TNRC6B: variants seen among roughly 807,000 people sequenced by gnomAD.
The protein encoded by TNRC6B is trinucleotide repeat containing adaptor 6B.
A neutral mutation model predicts 203.6 loss-of-function variants in TNRC6B; 52 were observed. The ratio of observed to expected loss-of-function variants is 0.26; its 90% confidence interval spans 0.20 to 0.32. The LOEUF is 0.32. Ranked by LOEUF, TNRC6B falls within the 10% of genes least tolerant of loss-of-function variation. The pLI is 1.00. For synonymous variants in TNRC6B, 838 were observed against 845.7 expected (o/e 0.99, Z 0.16); for missense variants, 1,923 against 2,286.2 (o/e 0.84, Z 3.24).
chr22:40,080,398 A>AT (rs1820643673), intron 1 of TNRC6B, among the ~76,000 whole-genome samples: 3 of 152,106 alleles, frequency 2.0e-5, no homozygotes, highest in Non-Finnish European at 4.4e-5. Flanking sequence ...TTGATTATAG[A>AT]TTCCTGTATG....
At chr22:40,045,725 A>C (rs982465403) in intron 1 of TNRC6B, 1 of 152,262 alleles carries the variant, frequency 6.6e-6, no homozygotes, top group Admixed American at 6.5e-5. Flanking sequence ...CTTCAGTTCC[A>C]GACTACCGGT....
chr22:40,155,893 C>T (rs568459308), intron 3 of TNRC6B, among the ~76,000 whole-genome samples: 1 of 152,312 alleles, frequency 6.6e-6, no homozygotes, highest in African/African-American at 2.4e-5. Flanking sequence ...ATTCTAGATG[C>T]TAATCCTTTG....
intron 1 of TNRC6B, among the ~76,000 whole-genome samples, chr22:40,076,755 T>C (rs376177580): frequency 6.6e-6 from 1 of 152,228 alleles, no homozygotes; most frequent in African/African-American, 2.4e-5. Flanking sequence ...CCAGTAATAC[T>C]GTAGTATGGA....
chr22:40,155,772 A>C (rs370689141), intron 3 of TNRC6B, among the ~76,000 whole-genome samples: 3 of 152,126 alleles, frequency 2.0e-5, no homozygotes, highest in Non-Finnish European at 4.4e-5. Context: ...ACATCTTTTC[A>C]TATGTTTAGA....
intron 4 of TNRC6B, among the ~76,000 whole-genome samples, chr22:40,170,817 ATG>A (rs371195679): frequency 0.023 from 1,312 of 56,764 alleles, 33 homozygotes; most frequent in East Asian, 0.033. Context: ...ATGTACATAT[ATG>A]TGTGTGTATA....
At chr22:40,076,786 C>T (rs777344507) in intron 1 of TNRC6B, among the ~76,000 whole-genome samples, 6 of 152,040 alleles carry the variant, frequency 3.9e-5, no homozygotes, top group Non-Finnish European at 7.4e-5. Flanking sequence ...AAAAACTTTC[C>T]ACTACTGTTT....
At chr22:40,047,372 C>T (rs962315216) in intron 1 of TNRC6B, among the ~76,000 whole-genome samples, 1 of 152,068 alleles carries the variant, frequency 6.6e-6, no homozygotes, top group Non-Finnish European at 1.5e-5. Flanking sequence ...GAGACCGAGG[C>T]AGGTGGATCA....
At chr22:40,139,563 A>G (rs1401864414) in intron 3 of TNRC6B, among the ~76,000 whole-genome samples, 2 of 151,962 alleles carry the variant, frequency 1.3e-5, no homozygotes, top group African/African-American at 4.8e-5. Flanking sequence ...AACTCCTGAC[A>G]TCAGGTGATC....
intron 1 of TNRC6B, among the ~76,000 whole-genome samples, chr22:40,098,979 C>T (rs1034875790): frequency 2.0e-5 from 3 of 152,090 alleles, no homozygotes; most frequent in African/African-American, 2.4e-5. Context: ...GGACCAGGCA[C>T]GGTGGCTCGC....
chr22:40,316,915 GAA>G (rs1201265992), intron 21 of TNRC6B, among the ~76,000 whole-genome samples: 4 of 152,134 alleles, frequency 2.6e-5, no homozygotes, highest in Admixed American at 6.5e-5. Flanking sequence ...ACGGGGCAGA[GAA>G]AGAGAAAAAA....
intron 7 of TNRC6B, among the ~76,000 whole-genome samples, chr22:40,276,566 G>A (rs2070647695): frequency 6.6e-6 from 1 of 152,148 alleles, no homozygotes; most frequent in South Asian, 2.1e-4. Context: ...CAGCAATGGT[G>A]TCTTCCACTA....
rs1217443991 is a variant in TNRC6B at position 40,332,598 on chromosome 22, C to G, written c.*9357C>G. The G allele has an allele frequency of 6.6e-6, 1 of 152,570 alleles. No individual in the cohort carries two copies. Among genetic ancestry groups the G allele is most frequent in the Non-Finnish European group, 1.5e-5 (1 of 68,020 alleles). The allele number at this position is 152,570 out of a possible 1,614,324, so 9.5% of individuals were successfully genotyped here. ...GAGTAACAGACTTGATCACAGTCTC[C>G]TCGTGCCTGTGCAGGGCTGCACAGG... On this transcript the variant is annotated 3_prime_UTR_variant, in exon 23 of 23. Transcript: ENST00000454349.
At chr22:40,177,859 T>A (rs757659402), upstream of TNRC6B, 292 of 1,317,236 alleles carry the variant, frequency 2.2e-4, 3 homozygotes, top group Non-Finnish European at 6.1e-5. Flanking sequence ...CCTTTCCTGA[T>A]TGACAAACCT....
chr22:40,232,547 A>C (rs2069887094), intron 1 of TNRC6B, among the ~76,000 whole-genome samples: 2 of 152,206 alleles, frequency 1.3e-5, no homozygotes. Flanking sequence ...GTAGGAAGCC[A>C]CATCTCTCCT....
rs545864933 is a variant in TNRC6B, at chr22:40,334,207, A to G, written c.*10966A>G. 2.9e-4 allele frequency: 44 copies of G among 152,842 alleles called. No homozygotes were observed. The highest frequency in any genetic ancestry group is 9.9e-4 in the African/African-American group (41 of 41,512). 9.5% of individuals were successfully genotyped at this position (152,842 alleles called of 1,614,324 possible). The stretch of plus-strand genomic sequence containing the variant: ...TCTTTCCTGGGACACTCCCCCCACC[A>G]CCACCCTTTGCACACACCAGTGACC... On this transcript the variant is annotated 3_prime_UTR_variant, in exon 23 of 23. Transcript: ENST00000454349.
chr22:40,253,329 A>G (rs868129741), intron 3 of TNRC6B, among the ~76,000 whole-genome samples: 1 of 149,544 alleles, frequency 6.7e-6, no homozygotes, highest in Admixed American at 6.7e-5. Flanking sequence ...TGACCTCGTG[A>G]TCCGCCTGCC....
intron 1 of TNRC6B, among the ~76,000 whole-genome samples, chr22:40,236,676 C>T (rs2069951832): frequency 6.6e-6 from 1 of 152,160 alleles, no homozygotes; most frequent in Admixed American, 6.5e-5. Context: ...GGAGCCATTT[C>T]CTGTCAAGAT....
intron 4 of TNRC6B, among the ~76,000 whole-genome samples, chr22:40,262,622 A>G (rs2070403866): frequency 6.6e-6 from 1 of 152,234 alleles, no homozygotes; most frequent in African/African-American, 2.4e-5. Context: ...CTAAAATAAT[A>G]CTATAGTTTT....
At chr22:40,230,376 G>A (rs1293356657) in intron 1 of TNRC6B, among the ~76,000 whole-genome samples, 3 of 137,892 alleles carry the variant, frequency 2.2e-5, no homozygotes, top group African/African-American at 8.1e-5. Context: ...CACAACCTCC[G>A]CCTCCCAGGC....
Sources: allele counts gnomAD v4.1 joint callset (sites outside exome capture counted in the v4.1 genomes callset), GRCh38; gene constraint gnomAD v4.1.1; transcripts MANE v1.5; gene names NCBI Gene and HGNC (gene_info 2026-07-23, HGNC 2026-07-21).